Variants in GRIK2 observed in about 807,000 individuals in gnomAD.
The protein encoded by GRIK2 is glutamate receptor ionotropic, kainate 2.
Under a neutral mutation model 100.3 loss-of-function variants are expected in GRIK2, and 32 were observed. The ratio of observed to expected loss-of-function variants is 0.32; its 90% CI spans 0.24 to 0.43. GRIK2 has a LOEUF of 0.43. Among genes scored for constraint, GRIK2 ranks in the 20% least tolerant of loss-of-function variants. The pLI is 1.00. For missense variants in GRIK2, 843 were observed against 1,114.9 expected, an observed-to-expected ratio of 0.76 and a Z score of 3.47; for synonymous variants, 417 against 389.4, an observed-to-expected ratio of 1.07 and a Z score of -0.83.
intron 9 of GRIK2, among the ~76,000 whole-genome samples, chr6:101,803,743 G>A (rs1167202071): frequency 1.3e-5 from 2 of 151,834 alleles, no homozygotes; most frequent in Non-Finnish European, 2.9e-5. Context: ...GCATAAAATG[G>A]CAGTGCTCTT....
At chr6:101,615,940 A>G (rs889806352) in intron 2 of GRIK2, among the ~76,000 whole-genome samples, 2 of 151,942 alleles carry the variant, frequency 1.3e-5, no homozygotes, top group African/African-American at 2.4e-5. Flanking sequence ...AAGAAAATAC[A>G]TGAAGTATAT....
intron 7 of GRIK2, among the ~76,000 whole-genome samples, chr6:101,753,621 A>T (rs1393329805): frequency 6.6e-6 from 1 of 152,142 alleles, no homozygotes; most frequent in African/African-American, 2.4e-5. Context: ...TTTGAACATC[A>T]ATAATTACTA....
chr6:101,551,336 C>T (rs1776499590), intron 2 of GRIK2, among the ~76,000 whole-genome samples: 1 of 151,918 alleles, frequency 6.6e-6, no homozygotes, highest in South Asian at 2.1e-4. Context: ...GTGACTTAAG[C>T]CCATAAATCC....
intron 10 of GRIK2, among the ~76,000 whole-genome samples, chr6:101,832,520 T>C (rs1329398832): frequency 2.0e-5 from 3 of 152,150 alleles, no homozygotes; most frequent in Non-Finnish European, 4.4e-5. Context: ...TGCTTGACAG[T>C]ATTTGAGCAT....
intron 14 of GRIK2, among the ~76,000 whole-genome samples, chr6:101,981,603 A>G (rs549105695): frequency 1.3e-5 from 2 of 152,072 alleles, no homozygotes; most frequent in Admixed American, 1.3e-4. Flanking sequence ...TAGTACAACG[A>G]TGACGCACTT....
intron 10 of GRIK2, among the ~76,000 whole-genome samples, chr6:101,821,597 G>C (rs905264518): frequency 6.6e-6 from 1 of 151,992 alleles, no homozygotes; most frequent in African/African-American, 2.4e-5. Flanking sequence ...GTTTCTAAAA[G>C]ATCCTAATAT....
intron 12 of GRIK2, among the ~76,000 whole-genome samples, chr6:101,895,292 G>A (rs1343247006): frequency 6.6e-6 from 1 of 151,582 alleles, no homozygotes; most frequent in Non-Finnish European, 1.5e-5. Context: ...ATTATTTTTA[G>A]AGTATTAGAA....
intron 14 of GRIK2, among the ~76,000 whole-genome samples, chr6:102,005,611 ACTTAT>A (rs1795174313): frequency 6.6e-6 from 1 of 152,108 alleles, no homozygotes; most frequent in African/African-American, 2.4e-5. Flanking sequence ...TATATTAAAC[ACTTAT>A]CTTGTTCATT....
At chr6:102,011,556 C>CTTTTT (rs372670502) in intron 14 of GRIK2, among the ~76,000 whole-genome samples, 1 of 79,042 alleles carries the variant, frequency 1.3e-5, no homozygotes, top group Non-Finnish European at 2.7e-5. Context: ...TGAGTTATTT[C>CTTTTT]TTTTTTTTTT....
chr6:101,827,541 G>A (rs976200077), intron 10 of GRIK2, among the ~76,000 whole-genome samples: 27 of 151,686 alleles, frequency 1.8e-4, no homozygotes, highest in Admixed American at 8.5e-4. Context: ...CATTTCACAT[G>A]TAATGACACC....
chr6:101,569,985 A>G (rs897232900), intron 2 of GRIK2, among the ~76,000 whole-genome samples: 7 of 152,152 alleles, frequency 4.6e-5, no homozygotes, highest in Admixed American at 2.0e-4. Flanking sequence ...ATTGTGAAGC[A>G]CTAAAGCTTC....
At position 102,043,039 on chromosome 6, in the gene GRIK2, T is replaced by TTGA. The variant is rs1308747377; in HGVS notation, c.2311+7475_2311+7477dup. Among the ~76,000 whole-genome samples the TTGA allele has an allele frequency of 2.0e-5, 3 of 151,836 alleles. 1 individual carries two copies. The highest frequency in any genetic ancestry group is 7.2e-5 in the African/African-American group (3 of 41,504). On this transcript the variant is annotated intron_variant, in intron 15 of 16. Transcript: ENST00000369134. Reference sequence around the variant, plus strand: ...TATACTCTATAATTTGAATTCTTCATTGATACATTTTATATGCCATATATA... The same window carrying TTGA: ...TATACTCTATAATTTGAATTCTTCATTGATGATACATTTTATATGCCATATATA...
In GRIK2 at chr6:101,801,892, A is replaced by G. The variant is rs574636320; in HGVS notation, c.1096-439A>G. On this transcript the variant is annotated intron_variant, in intron 8 of 16. Transcript: ENST00000369134. ...GTTAGTATAACATAGCTTTTCCTGG[A>G]TTCAGTTTCTCTTATTGTAATAAGT... Among the ~76,000 whole-genome samples, 5 of 151,980 alleles carry G rather than the reference A, an allele frequency of 3.3e-5. No homozygotes were observed. In the South Asian group the frequency reaches 1.0e-3, roughly 31 times the overall value.
rs78437148 is a variant in GRIK2 at position 101,606,570 on chromosome 6, G to C, written c.116-15379G>C. Among the ~76,000 whole-genome samples, 1,262 of 152,110 alleles carry C rather than the reference G, an allele frequency of 8.3e-3. 16 individuals carry two copies. The highest frequency in any genetic ancestry group is 0.024 in the South Asian group (114 of 4,824). The stretch of plus-strand genomic sequence containing the variant: ...GTTTAACTAACTTGCTTAAAGTTCA[G>C]TTGGCTAATAATAGCAGAAACAGGA... On this transcript the variant is annotated intron_variant, in intron 2 of 16. Coordinates refer to ENST00000369134, the MANE Select transcript of GRIK2 (RefSeq NM_021956.5).
At chr6:101,715,254 A>G (rs1271148717) in intron 7 of GRIK2, among the ~76,000 whole-genome samples, 4 of 151,768 alleles carry the variant, frequency 2.6e-5, no homozygotes, top group Admixed American at 6.6e-5. Flanking sequence ...TCTGGGTGCT[A>G]TGACCCCACA....
At chr6:101,786,930 T>C (rs1779462745) in intron 7 of GRIK2, among the ~76,000 whole-genome samples, 1 of 152,124 alleles carries the variant, frequency 6.6e-6, no homozygotes, top group Admixed American at 6.6e-5. Flanking sequence ...AATATGGCAG[T>C]GAAGTCATCT....
In GRIK2 at chr6:102,068,627, G is replaced by A. The variant is rs1399610258; in HGVS notation, c.*116G>A. On this transcript the variant is annotated 3_prime_UTR_variant, in exon 17 of 17. Coordinates refer to ENST00000369134, the MANE Select transcript of GRIK2 (RefSeq NM_021956.5). ...AAAATAAAATGAGTTACCTCATGCC[G>A]CTGTGTCTATGAACTAGAGACTCTG... 7 of 802,884 alleles carry A rather than the reference G, an allele frequency of 8.7e-6. No individual in the cohort carries two copies. Among genetic ancestry groups the A allele is most frequent in the South Asian group, 3.6e-5 (2 of 56,102 alleles). The allele number at this position is 802,884 out of a possible 1,614,324, so 49.7% of individuals were successfully genotyped here.
At chr6:101,853,465 A>C (rs1784253240) in intron 10 of GRIK2, among the ~76,000 whole-genome samples, 1 of 152,202 alleles carries the variant, frequency 6.6e-6, no homozygotes, top group African/African-American at 2.4e-5. Flanking sequence ...TGGAGCAACA[A>C]AGCCTCTCAT....
In GRIK2 at chr6:102,040,933, A is replaced by G. The variant is rs1308577899; in HGVS notation, c.2311+5367A>G. ...ATGCATTCTATTTTCCCTTTGCATA[A>G]GCAGCACAATTTTAATATTTGAAGT... On this transcript the variant is annotated intron_variant, in intron 15 of 16. Coordinates refer to ENST00000369134, the MANE Select transcript of GRIK2 (RefSeq NM_021956.5). Among the ~76,000 whole-genome samples the G allele has an allele frequency of 1.5e-4, 23 of 151,598 alleles. No individual in the cohort carries two copies. In the Admixed American group the frequency reaches 1.5e-3, roughly 10 times the overall value.
Sources: gnomAD v4.1 joint callset for allele counts (sites outside exome capture counted in the v4.1 genomes callset) on GRCh38, gnomAD v4.1.1 for gene constraint, MANE v1.5 for transcripts, NCBI Gene and HGNC (gene_info 2026-07-23, HGNC 2026-07-21) for gene names.